GREB1: variants seen among roughly 807,000 people sequenced by gnomAD.
GREB1 encodes growth regulating estrogen receptor binding 1, also known as protein GREB1.
A neutral mutation model predicts 200.7 loss-of-function variants in GREB1; 106 were observed. The ratio of observed to expected loss-of-function variants is 0.53; its 90% CI spans 0.45 to 0.62. GREB1 has a LOEUF of 0.62. GREB1 is among the 20% of genes least tolerant of loss of function. The pLI, the probability that GREB1 is intolerant of heterozygous loss-of-function variation, is 0.00. For synonymous variants in GREB1, 1,132 were observed against 1,092.4 expected, an observed-to-expected ratio of 1.04 and a Z score of -0.72; for missense variants, 2,243 against 2,556.8, an observed-to-expected ratio of 0.88 and a Z score of 2.65.
chr2:11,595,879 A>G (rs1681161428), intron 12 of GREB1, among the ~76,000 whole-genome samples: 1 of 151,400 alleles, frequency 6.6e-6, no homozygotes, highest in Non-Finnish European at 1.5e-5. Flanking sequence ...ATCCTTTACC[A>G]TGTTGTTCTT....
intron 15 of GREB1, among the ~76,000 whole-genome samples, 188 bp downstream of exon 15, chr2:11,599,048 G>A (rs1374157400): frequency 6.6e-6 from 1 of 152,178 alleles, no homozygotes; most frequent in Non-Finnish European, 1.5e-5. Context: ...ATTATCCAGT[G>A]TGACCTCTGA....
At chr2:11,619,055 G>A in intron 22 of GREB1, 136 bp downstream of exon 22, 5 of 899,432 alleles carry the variant, frequency 5.6e-6, no homozygotes, top group Non-Finnish European at 8.1e-6. Context: ...TTCTCCAATG[G>A]CCTGGGGTGG....
intron 1 of GREB1, among the ~76,000 whole-genome samples, chr2:11,483,634 G>A (rs1672571519): frequency 6.7e-6 from 1 of 149,830 alleles, no homozygotes. Flanking sequence ...TTCCTAACTG[G>A]ATCCCAGTTT....
intron 27 of GREB1, among the ~76,000 whole-genome samples, chr2:11,632,335 CT>C (rs567209224): frequency 0.023 from 2,584 of 112,136 alleles, 37 homozygotes; most frequent in African/African-American, 0.076. Flanking sequence ...TTCTTTCTCT[CT>C]TTTTTTTTTT....
chr2:11,577,213 TCAAGA>T (rs58939200), intron 5 of GREB1, among the ~76,000 whole-genome samples: 2,727 of 152,184 alleles, frequency 0.018, 74 homozygotes, highest in African/African-American at 0.062. Flanking sequence ...TGGCCATAAC[TCAAGA>T]CAAGTTTGAT....
chr2:11,583,263 T>G (rs1170073878), intron 7 of GREB1, among the ~76,000 whole-genome samples: 2 of 152,186 alleles, frequency 1.3e-5, no homozygotes, highest in African/African-American at 2.4e-5. Context: ...GGTCGTTCAG[T>G]AGAGCTTTTA....
Position 11,638,583 on chromosome 2 carries a change from T to C in GREB1, c.5548-88T>C. 2.6e-6 allele frequency: 3 copies of C among 1,152,890 alleles called. No homozygotes were observed. The Admixed American group carries it at 6.7e-5, about 26-fold the overall frequency. The allele number at this position is 1,152,890 out of a possible 1,614,324, so 71.4% of individuals were successfully genotyped here. A position where few individuals can be genotyped will look rare whatever the true frequency, so the allele number is the denominator to read the frequency against. On this transcript the variant is annotated intron_variant, in intron 31 of 32. Coordinates refer to ENST00000381486, the MANE Select transcript of GREB1 (RefSeq NM_014668.4). ...AAAATCTTGAGCTGGACCAAGCAGT[T>C]GGTATTTACTAGGTGCAAACCTGTA...
At chr2:11,613,228 C>T (rs374854873) in intron 19 of GREB1, among the ~76,000 whole-genome samples, 7 of 152,128 alleles carry the variant, frequency 4.6e-5, no homozygotes, top group Non-Finnish European at 1.0e-4. Flanking sequence ...CACAGACATG[C>T]GGACACTCGA....
chr2:11,628,092 G>A (rs1684610206), intron 25 of GREB1, among the ~76,000 whole-genome samples: 1 of 152,160 alleles, frequency 6.6e-6, no homozygotes, highest in African/African-American at 2.4e-5. Context: ...AATGCCTGGT[G>A]GGCACTGTGG....
rs1274277765 is a variant in GREB1, at chr2:11,580,930, C to T, written c.901+98C>T. 3.4e-6 allele frequency: 5 copies of T among 1,460,750 alleles called. No homozygotes were observed. The highest frequency in any genetic ancestry group is 1.7e-4 in the Middle Eastern group (1 of 5,834). The allele number at this position is 1,460,750 out of a possible 1,614,324, so 90.5% of individuals were successfully genotyped here. A position where few individuals can be genotyped will look rare whatever the true frequency, so the allele number is the denominator to read the frequency against. On this transcript the variant is annotated intron_variant, in intron 7 of 32. Transcript: ENST00000381486. This position sits in a 1 kb window ranked among gnomAD's most constrained non-coding sequence, Gnocchi z 4.5. ...CTGCTGGGCTGGGGCCGCTGAGCCT[C>T]CTGGAGTCTGATGTGGCTTCCATGA... is the stretch of plus-strand genomic sequence containing the variant.
chr2:11,578,873 G>A (rs896448450), intron 6 of GREB1, among the ~76,000 whole-genome samples: 1 of 152,256 alleles, frequency 6.6e-6, no homozygotes, highest in Non-Finnish European at 1.5e-5. Flanking sequence ...GCAGGCGTCA[G>A]TTTCCACATT....
chr2:11,632,783 G>A (rs947579927), intron 27 of GREB1, 106 bp from the exon 28 acceptor site: 8 of 865,230 alleles, frequency 9.2e-6, no homozygotes, highest in East Asian at 5.3e-5. Flanking sequence ...CAGGAAGGTC[G>A]GGGCTGGCTT....
At position 11,600,933 on chromosome 2, in the gene GREB1, C is replaced by T; in HGVS notation, c.2467C>T (p.Gln823Ter). Residue 823 changes from glutamine to a stop codon, truncating the protein, a stop_gained, in exon 16 of 33, where the codon CAG becomes TAG. Transcript: ENST00000381486. LOFTEE classifies it high-confidence loss of function. Reference sequence around the variant, plus strand: ...CGTGACCTCCTTCCCGTATGCACTGCAGACACAGCACACCCTCATCAGCCC... The same window carrying T: ...CGTGACCTCCTTCCCGTATGCACTGTAGACACAGCACACCCTCATCAGCCC... The part of the protein sequence containing the change: ...LHVTSFPYAL[Q>*]TQHTLISPYN... The T allele has an allele frequency of 6.2e-7, 1 of 1,614,184 alleles. No individual in the cohort carries two copies. The highest frequency in any genetic ancestry group is 8.5e-7 in the Non-Finnish European group (1 of 1,180,028).
intron 9 of GREB1, chr2:11,587,453 G>C: frequency 6.2e-7 from 1 of 1,613,818 alleles, no homozygotes; most frequent in Non-Finnish European, 8.5e-7. Context: ...GAGCTTATGA[G>C]AGGCGTGAAT....
chr2:11,544,303 G>A (rs773895731), intron 1 of GREB1, among the ~76,000 whole-genome samples: 2 of 151,700 alleles, frequency 1.3e-5, no homozygotes, highest in Non-Finnish European at 2.9e-5. Flanking sequence ...TGCAAGCTCC[G>A]CCTCCCAGGT....
chr2:11,540,973 A>C (rs1674691722), intron 1 of GREB1, among the ~76,000 whole-genome samples: 1 of 152,236 alleles, frequency 6.6e-6, no homozygotes, highest in Non-Finnish European at 1.5e-5. Context: ...CACCAGAAGT[A>C]AGTCACCATG....
rs1572159287 is a variant in GREB1, at chr2:11,618,936, G to A, written c.4044+17G>A. 1 of 1,478,312 alleles carries A rather than the reference G, an allele frequency of 6.8e-7. No homozygotes were observed. Among genetic ancestry groups the A allele is most frequent in the Non-Finnish European group, 9.0e-7 (1 of 1,116,864 alleles). 91.6% of individuals were successfully genotyped at this position (1,478,312 alleles called of 1,614,324 possible). A position where few individuals can be genotyped will look rare whatever the true frequency, so the allele number is the denominator to read the frequency against. On this transcript the variant is annotated intron_variant, in intron 22 of 32. Coordinates refer to ENST00000381486, the MANE Select transcript of GREB1 (RefSeq NM_014668.4). Reference sequence around the variant, plus strand: ...CCCCCTCAGGTGAGTGTTGCTCGCTGCCCCAGCACAGCCCCGGACTGGGGG... The same window carrying A: ...CCCCCTCAGGTGAGTGTTGCTCGCTACCCCAGCACAGCCCCGGACTGGGGG...
upstream of GREB1, among the ~76,000 whole-genome samples, chr2:11,532,098 A>T (rs1042547403): frequency 3.3e-5 from 5 of 152,242 alleles, no homozygotes; most frequent in Non-Finnish European, 5.9e-5. Context: ...AGGAGTCAAC[A>T]TTAGCAAGAA....
At chr2:11,485,222 G>A (rs1672625905) in intron 1 of GREB1, among the ~76,000 whole-genome samples, 1 of 151,514 alleles carries the variant, frequency 6.6e-6, no homozygotes, top group Admixed American at 6.6e-5. Context: ...TGCTGGGTAG[G>A]TAATTAGAAG....
Sources: gnomAD v4.1 joint callset for allele counts (sites outside exome capture counted in the v4.1 genomes callset) on GRCh38, gnomAD v4.1.1 for gene constraint, Gnocchi (gnomAD v3.1) non-coding constraint, MANE v1.5 for transcripts, NCBI Gene and HGNC (gene_info 2026-07-23, HGNC 2026-07-21) for gene names.